Variants in TLK1 observed in about 807,000 individuals in gnomAD.
TLK1 encodes the protein serine/threonine-protein kinase tousled-like 1.
A neutral mutation model predicts 105.3 loss-of-function variants in TLK1; 24 were observed. That is an observed-to-expected ratio of 0.23 (90% CI 0.17 to 0.32). TLK1 has a LOEUF of 0.32. Among genes scored for constraint, TLK1 ranks in the 10% least tolerant of loss-of-function variants. The pLI is 1.00. For missense variants in TLK1, 558 were observed against 910.5 expected (o/e 0.61, Z 4.98); for synonymous variants, 321 against 310.4 (o/e 1.03, Z -0.36).
chr2:171,127,204 G>C (rs1690903267), intron 1 of TLK1, among the ~76,000 whole-genome samples: 1 of 151,072 alleles, frequency 6.6e-6, no homozygotes, highest in Non-Finnish European at 1.5e-5. Context: ...TTGAACCCGG[G>C]AGGCGGAGGT....
Position 171,022,284 on chromosome 2 carries a change from G to C in TLK1, c.1236+6055C>G, listed in dbSNP as rs113661617. 4.5e-3 allele frequency among the ~76,000 whole-genome samples: 686 copies of C among 152,150 alleles called. 7 individuals are homozygous for C. The highest frequency in any genetic ancestry group is 0.015 in the African/African-American group (626 of 41,492). On this transcript the variant is annotated intron_variant, in intron 12 of 20. Transcript: ENST00000431350. ...TAAGAGATAAGAACGTAAACACTGA[G>C]TTTTCCCATCTACAGCTAGTTCCAT...
chr2:171,175,458 T>G (rs1211316947), intron 1 of TLK1, among the ~76,000 whole-genome samples: 3 of 152,200 alleles, frequency 2.0e-5, no homozygotes, highest in Non-Finnish European at 4.4e-5. Context: ...AGAGATGATT[T>G]AAAGTTTTTA....
chr2:171,154,993 T>C (rs367879448), intron 1 of TLK1, among the ~76,000 whole-genome samples: 1 of 152,200 alleles, frequency 6.6e-6, no homozygotes, highest in South Asian at 2.1e-4. Flanking sequence ...TTGTTATAAG[T>C]AATGATACAT....
intron 1 of TLK1, among the ~76,000 whole-genome samples, chr2:171,135,524 G>A (rs552370781): frequency 6.6e-6 from 1 of 152,086 alleles, no homozygotes; most frequent in African/African-American, 2.4e-5. Flanking sequence ...AAGATGGCCA[G>A]GCACGGTGGT....
intron 2 of TLK1, among the ~76,000 whole-genome samples, chr2:171,111,629 A>T (rs888581701): frequency 6.6e-6 from 1 of 151,544 alleles, no homozygotes; most frequent in African/African-American, 2.4e-5. Flanking sequence ...GCTCCAGGCC[A>T]GGCCAAGACA....
chr2:171,085,661 T>C (rs962444412), intron 2 of TLK1, among the ~76,000 whole-genome samples: 12 of 152,162 alleles, frequency 7.9e-5, no homozygotes, highest in African/African-American at 2.9e-4. Context: ...AAAGCATAGA[T>C]AAACGGTTAC....
intron 1 of TLK1, among the ~76,000 whole-genome samples, chr2:171,185,201 T>C (rs557646652): frequency 6.6e-5 from 10 of 152,254 alleles, no homozygotes; most frequent in Middle Eastern, 3.4e-3. Flanking sequence ...TCCCTCTCCA[T>C]TTAATCCCCA....
At chr2:171,059,284 A>G (rs1317246024) in intron 4 of TLK1, among the ~76,000 whole-genome samples, 2 of 152,164 alleles carry the variant, frequency 1.3e-5, no homozygotes, top group Non-Finnish European at 2.9e-5. Context: ...TTGGTTGCCT[A>G]CTCCAGAAGC....
chr2:171,085,219 G>GT (rs1403685969), intron 2 of TLK1, among the ~76,000 whole-genome samples: 3 of 151,986 alleles, frequency 2.0e-5, no homozygotes, highest in South Asian at 2.1e-4. Flanking sequence ...GTGAAACCCT[G>GT]TCTCTACTAA....
At chr2:171,217,889 A>G (rs900583829) in intron 1 of TLK1, among the ~76,000 whole-genome samples, 1 of 152,240 alleles carries the variant, frequency 6.6e-6, no homozygotes, top group African/African-American at 2.4e-5. Flanking sequence ...ACATGGACAA[A>G]GATGGGGAAG....
chr2:171,000,559 T>G (rs1684314593), intron 18 of TLK1, among the ~76,000 whole-genome samples: 1 of 152,044 alleles, frequency 6.6e-6, no homozygotes, highest in Non-Finnish European at 1.5e-5. Context: ...AAAATCACTA[T>G]TCATTAAGTG....
At chr2:171,129,837 T>TAACA (rs1553481523) in intron 1 of TLK1, among the ~76,000 whole-genome samples, 5 of 142,056 alleles carry the variant, frequency 3.5e-5, no homozygotes, top group African/African-American at 1.4e-4. Context: ...CCAAATAACA[T>TAACA]AACATAACAT....
In TLK1 at chr2:171,145,899, G is replaced by C. The variant is rs11901043; in HGVS notation, c.139+14391C>G. 8.7e-3 allele frequency among the ~76,000 whole-genome samples: 1,322 copies of C among 151,850 alleles called. 17 individuals are homozygous for C. Among genetic ancestry groups the C allele is most frequent in the African/African-American group, 0.029 (1,217 of 41,388 alleles). On this transcript the variant is annotated intron_variant, in intron 1 of 20. Coordinates refer to ENST00000431350, the MANE Select transcript of TLK1 (RefSeq NM_012290.5). ...TAAATCAGAATAATGGTTACTTTGG[G>C]GAGCATGGAGAAGGTAGTGACTGAT...
At chr2:170,999,746 T>A (rs1684266468) in intron 18 of TLK1, among the ~76,000 whole-genome samples, 1 of 152,090 alleles carries the variant, frequency 6.6e-6, no homozygotes, top group Non-Finnish European at 1.5e-5. Context: ...CAGTTGAGAA[T>A]CCATGTATGA....
intron 1 of TLK1, among the ~76,000 whole-genome samples, chr2:171,202,963 G>A (rs1240336480): frequency 1.3e-5 from 2 of 151,878 alleles, no homozygotes; most frequent in East Asian, 3.8e-4. Flanking sequence ...GGGTCCATAT[G>A]TTTTTGGAAA....
intron 18 of TLK1, among the ~76,000 whole-genome samples, chr2:171,002,122 G>A (rs1684407539): frequency 6.6e-6 from 1 of 152,042 alleles, no homozygotes; most frequent in South Asian, 2.1e-4. Context: ...GTTGGCGGGA[G>A]CTGCTTCTCC....
intron 2 of TLK1, among the ~76,000 whole-genome samples, chr2:171,101,320 T>TG (rs1284205878): frequency 8.3e-5 from 10 of 121,210 alleles, no homozygotes; most frequent in African/African-American, 3.5e-4. Context: ...CACTCCAGCC[T>TG]GGACAACAAG....
At chr2:171,124,960 CTTGT>C (rs1690808776) in intron 1 of TLK1, among the ~76,000 whole-genome samples, 1 of 152,198 alleles carries the variant, frequency 6.6e-6, no homozygotes, top group Non-Finnish European at 1.5e-5. Flanking sequence ...AATCATTTGC[CTTGT>C]TTTTTAATTG....
intron 3 of TLK1, among the ~76,000 whole-genome samples, chr2:171,074,245 G>T (rs1207800758): frequency 1.3e-5 from 2 of 152,078 alleles, no homozygotes; most frequent in Non-Finnish European, 2.9e-5. Context: ...TGTACAAAGA[G>T]TACTTGCTTT....
Sources: allele counts gnomAD v4.1 joint callset (sites outside exome capture counted in the v4.1 genomes callset), GRCh38; gene constraint gnomAD v4.1.1; transcripts MANE v1.5; gene names NCBI Gene and HGNC (gene_info 2026-07-23, HGNC 2026-07-21).